The following TRPM3 variants were observed in gnomAD, a reference collection of about 807,000 sequenced individuals.
TRPM3 encodes transient receptor potential cation channel subfamily M member 3, also known as long transient receptor potential channel 3.
A neutral mutation model predicts 181.2 loss-of-function variants in TRPM3; 77 were observed. The observed-to-expected ratio is 0.42, with a 90% CI of 0.35 to 0.51. The LOEUF (loss-of-function observed/expected upper bound fraction) is 0.51. Ranked by LOEUF, TRPM3 falls within the 20% of genes least tolerant of loss-of-function variation. The probability of loss-of-function intolerance (pLI) is 0.01; values close to 1 mark genes in which losing one functional copy is unlikely to be tolerated. For missense variants in TRPM3, 1,759 were observed against 2,196.7 expected (o/e 0.80, Z 3.98); for synonymous variants, 745 against 796.4 (o/e 0.94, Z 1.09).
At chr9:70,754,492 T>C (rs2076720616) in intron 8 of TRPM3, among the ~76,000 whole-genome samples, 1 of 152,090 alleles carries the variant, frequency 6.6e-6, no homozygotes, top group South Asian at 2.1e-4. Context: ...AAGATCTATA[T>C]GAAATGAGCA....
intron 1 of TRPM3, among the ~76,000 whole-genome samples, chr9:70,916,407 T>A (rs2096595079): frequency 1.3e-5 from 2 of 152,054 alleles, no homozygotes; most frequent in Non-Finnish European, 2.9e-5. Flanking sequence ...AAATGATGAA[T>A]CAATCAAAAA....
chr9:71,089,914 G>A (rs772152263), intron 1 of TRPM3, among the ~76,000 whole-genome samples: 7 of 152,034 alleles, frequency 4.6e-5, no homozygotes, highest in Non-Finnish European at 8.8e-5. Context: ...GAATTGTCTT[G>A]GGCCATGCAT....
chr9:70,925,530 G>GAA (rs1564776344), intron 1 of TRPM3, among the ~76,000 whole-genome samples: 4 of 150,110 alleles, frequency 2.7e-5, no homozygotes, highest in African/African-American at 9.9e-5. Context: ...GGTAGAATAT[G>GAA]GAAAAAAATA....
intron 1 of TRPM3, among the ~76,000 whole-genome samples, chr9:70,867,969 T>C (rs1174504344): frequency 6.6e-6 from 1 of 152,088 alleles, no homozygotes; most frequent in African/African-American, 2.4e-5. Flanking sequence ...AGAATAGTTA[T>C]CCTCATTGTT....
chr9:70,561,295 T>C lies in TRPM3; in HGVS notation c.3224-7985A>G, dbSNP rs557081084. On this transcript the variant is annotated intron_variant, in intron 22 of 25. Transcript: ENST00000677713. ...ATGCCATTAGCACAGCTGCTGTGGC[T>C]TTACTGGGAGGACAAATTTGATTTA... Among the ~76,000 whole-genome samples, 252 of 152,298 alleles carry C rather than the reference T, an allele frequency of 1.7e-3. 2 individuals carry two copies. Among genetic ancestry groups the C allele is most frequent in the Non-Finnish European group, 3.0e-3 (203 of 68,022 alleles).
At chr9:71,251,660 C>G (rs1164362845) in intron 1 of TRPM3, among the ~76,000 whole-genome samples, 3 of 152,120 alleles carry the variant, frequency 2.0e-5, no homozygotes, top group Non-Finnish European at 2.9e-5. Context: ...ATAATCACAA[C>G]ATGGAAAATG....
chr9:71,348,067 A>T (rs745986951), intron 1 of TRPM3, among the ~76,000 whole-genome samples: 1 of 152,172 alleles, frequency 6.6e-6, no homozygotes, highest in South Asian at 2.1e-4. Context: ...AATAAAAAAA[A>T]TTGTTATTTT....
intron 1 of TRPM3, among the ~76,000 whole-genome samples, chr9:71,388,385 A>T (rs753175996): frequency 1.9e-4 from 29 of 152,184 alleles, no homozygotes; most frequent in Non-Finnish European, 3.7e-4. Flanking sequence ...ATAAAAATGT[A>T]AAAAGTGAGA....
intron 7 of TRPM3, chr9:70,774,154 C>T (rs1487281011): frequency 6.6e-6 from 1 of 152,118 alleles, no homozygotes; most frequent in Non-Finnish European, 1.5e-5. Context: ...TACCCTTGAA[C>T]AACAGGGGTT....
chr9:70,932,638 G>T (rs2096786585), intron 1 of TRPM3, among the ~76,000 whole-genome samples: 2 of 152,180 alleles, frequency 1.3e-5, no homozygotes, highest in Admixed American at 1.3e-4. Context: ...GTAAGAGATT[G>T]ACAGGCTGAG....
intron 9 of TRPM3, among the ~76,000 whole-genome samples, chr9:70,641,249 G>A (rs1013984663): frequency 9.9e-5 from 15 of 152,098 alleles, no homozygotes; most frequent in Admixed American, 9.8e-4. Context: ...CCCTGTCCCC[G>A]ACCCACTAAA....
At chr9:71,108,396 G>C (rs2134167419) in intron 1 of TRPM3, among the ~76,000 whole-genome samples, 1 of 152,258 alleles carries the variant, frequency 6.6e-6, no homozygotes, top group Admixed American at 6.5e-5. Context: ...TCCTTGCTAA[G>C]AGAGGCTGCT....
At chr9:70,568,719 C>A (rs748415634) in intron 22 of TRPM3, among the ~76,000 whole-genome samples, 25 of 152,220 alleles carry the variant, frequency 1.6e-4, no homozygotes, top group Non-Finnish European at 2.9e-4. Context: ...AGGATTCCAT[C>A]ATCTTAACCA....
At chr9:71,012,464 T>C (rs888614384) in intron 1 of TRPM3, among the ~76,000 whole-genome samples, 1 of 151,942 alleles carries the variant, frequency 6.6e-6, no homozygotes, top group Non-Finnish European at 1.5e-5. Flanking sequence ...TCTCTTTTAG[T>C]ATTTTCCCAG....
chr9:70,861,961 A>T lies in TRPM3; in HGVS notation c.462+947T>A, dbSNP rs11142631. Among the ~76,000 whole-genome samples the T allele has an allele frequency of 0.015, 2,251 of 151,900 alleles. 128 individuals carry two copies. In the East Asian group the frequency reaches 0.18, roughly 12 times the overall value. Reference sequence around the variant, plus strand: ...GGGTGGGGGGCAGGGAAAGGGGAAGAGGAGAGAGACAGGGAAGGGAGAGGT... The same window carrying T: ...GGGTGGGGGGCAGGGAAAGGGGAAGTGGAGAGAGACAGGGAAGGGAGAGGT... On this transcript the variant is annotated intron_variant, in intron 3 of 25. Coordinates refer to ENST00000677713, the MANE Select transcript of TRPM3 (RefSeq NM_001366145.2).
intron 1 of TRPM3, among the ~76,000 whole-genome samples, chr9:70,995,112 G>A (rs2097529806): frequency 6.6e-6 from 1 of 152,122 alleles, no homozygotes; most frequent in African/African-American, 2.4e-5. Flanking sequence ...GTGTGTGTGT[G>A]TGCATGTAAT....
intron 6 of TRPM3, among the ~76,000 whole-genome samples, chr9:70,800,226 A>G (rs560466251): frequency 6.6e-6 from 1 of 152,364 alleles, no homozygotes; most frequent in South Asian, 2.1e-4. Context: ...AACTAAAACA[A>G]AGTTGCTTGT....
At chr9:71,018,378 C>T (rs1383034588) in intron 1 of TRPM3, among the ~76,000 whole-genome samples, 1 of 151,452 alleles carries the variant, frequency 6.6e-6, no homozygotes, top group Non-Finnish European at 1.5e-5. Context: ...ATGAAAGAAG[C>T]AAAAGGTGGT....
At position 70,591,081 on chromosome 9, in the gene TRPM3, T is replaced by G. The variant is rs766131509; in HGVS notation, c.3173A>C (p.Tyr1058Ser). Reference protein sequence around the residue: ...PSWKLAKNIFYMPYWMIYGEV... With the variant: ...PSWKLAKNIFSMPYWMIYGEV... ...CCCATAAATCATCCAATAGGGCATG[T>G]AGAAGATGTTCTTGGCCAGTTTCCA... Residue 1058 changes from tyrosine (Y) to serine (S), a missense_variant, in exon 22 of 26, where the codon TAC becomes TCC. By Grantham distance (144) the Tyr-to-Ser change is moderately radical. This residue lies in a region of TRPM3 where 94 missense variants were observed against 221.3 expected (regional missense o/e 0.42). Transcript: ENST00000677713. 1 of 1,614,080 alleles carries G rather than the reference T, an allele frequency of 6.2e-7. No individual in the cohort carries two copies. Among genetic ancestry groups the G allele is most frequent in the Non-Finnish European group, 8.5e-7 (1 of 1,180,044 alleles).
Sources: gnomAD v4.1 joint callset for allele counts (sites outside exome capture counted in the v4.1 genomes callset) on GRCh38, gnomAD v4.1.1 for gene constraint, gnomAD v4.1.1 regional missense constraint, MANE v1.5 for transcripts, NCBI Gene and HGNC (gene_info 2026-07-23, HGNC 2026-07-21) for gene names.